DNHD1: variants seen among roughly 807,000 people sequenced by gnomAD.
DNHD1 encodes the protein dynein heavy chain domain 1.
Under a neutral mutation model 458.1 loss-of-function variants are expected in DNHD1, and 383 were observed. The observed-to-expected ratio is 0.84, with a 90% CI of 0.77 to 0.91. The LOEUF is 0.91. Among genes scored for constraint, DNHD1 ranks in the 40% least tolerant of loss-of-function variants. DNHD1 has a pLI of 0.00. For synonymous variants in DNHD1, 2,203 were observed against 2,376.9 expected, an observed-to-expected ratio of 0.93 and a Z score of 2.13; for missense variants, 5,336 against 5,866.1, an observed-to-expected ratio of 0.91 and a Z score of 2.95.
Position 6,557,459 on chromosome 11 carries a change from A to G in DNHD1, c.8164A>G (p.Asn2722Asp). 2 of 1,551,718 alleles carry G rather than the reference A, an allele frequency of 1.3e-6. No homozygotes were observed. Among genetic ancestry groups the G allele is most frequent in the Non-Finnish European group, 1.7e-6 (2 of 1,147,030 alleles). Reference protein sequence around the residue: ...GELAQWEDFSNSNSETEEEEE... With the variant: ...GELAQWEDFSDSNSETEEEEE... ...GTTGGCCCAGTGGGAGGACTTCAGC[A>G]ACAGCAATAGTGAAACAGAGGAGGA... The change falls in exon 25 of 43, where the codon AAC (asparagine) becomes GAC (aspartate). Residue 2722 changes from asparagine to aspartate, a missense_variant. Physicochemically the swap from Asn to Asp is conservative, Grantham distance 23 (BLOSUM62 1). Around this residue, in one of 4 missense-constraint regions of DNHD1, gnomAD observed 3,932 missense variants for 4,365.6 expected, o/e 0.90. Transcript: ENST00000254579.
At chr11:6,506,883 C>A (rs1852238975) in intron 4 of DNHD1, among the ~76,000 whole-genome samples, 1 of 152,128 alleles carries the variant, frequency 6.6e-6, no homozygotes, top group African/African-American at 2.4e-5. Context: ...AACAGTCTGG[C>A]ATAGAGTAGA....
intron 6 of DNHD1, among the ~76,000 whole-genome samples, chr11:6,510,188 A>G (rs1852309576): frequency 6.6e-6 from 1 of 151,960 alleles, no homozygotes; most frequent in Admixed American, 6.6e-5. Context: ...GGTTCAAGCA[A>G]TTCTCCTGCC....
rs1853525042 is a variant in DNHD1 at position 6,558,904 on chromosome 11, T to A, written c.9214T>A (p.Ser3072Thr). Residue 3072 changes from serine to threonine, a missense_variant and splice_region_variant, in exon 27 of 43, where the codon TCC (serine) becomes ACC (threonine). Transcript: ENST00000254579. ...GAQSVPLDDGSWKYPDLQASI... is the reference protein window; with the variant it reads ...GAQSVPLDDGTWKYPDLQASI... Reference sequence around the variant, plus strand: ...GGCTAAAGCCATGCCCATTGCAGGCTCCTGGAAGTACCCAGACCTCCAGGC... The same window carrying A: ...GGCTAAAGCCATGCCCATTGCAGGCACCTGGAAGTACCCAGACCTCCAGGC... The A allele has an allele frequency of 6.4e-7, 1 of 1,551,488 alleles. No homozygotes were observed. The highest frequency in any genetic ancestry group is 1.2e-5 in the South Asian group (1 of 84,058).
intron 7 of DNHD1, among the ~76,000 whole-genome samples, chr11:6,516,589 C>T (rs1852476395): frequency 1.3e-5 from 2 of 152,080 alleles, no homozygotes; most frequent in African/African-American, 2.4e-5. Flanking sequence ...TTAGCCACCT[C>T]GCCCCACCAG....
intron 24 of DNHD1, among the ~76,000 whole-genome samples, chr11:6,552,898 A>G (rs1853391075): frequency 6.6e-6 from 1 of 152,212 alleles, no homozygotes; most frequent in South Asian, 2.1e-4. Flanking sequence ...ATAGAAAATG[A>G]ACAGCCTCAT....
intron 4 of DNHD1, chr11:6,503,591 C>A (rs1852179385): frequency 6.6e-6 from 1 of 152,256 alleles, no homozygotes; most frequent in African/African-American, 2.4e-5. Flanking sequence ...TCAAGCAATC[C>A]TCTCACTTCA....
At chr11:6,564,237 T>C (rs1219608481) in intron 31 of DNHD1, 96 bp from the exon 32 acceptor site, 2 of 1,454,186 alleles carry the variant, frequency 1.4e-6, no homozygotes, top group Non-Finnish European at 1.9e-6. Flanking sequence ...CTTGCCGTAC[T>C]TTCCTCCACA....
chr11:6,546,993 C>CTCA lies in DNHD1; in HGVS notation c.6055_6057dup (p.Ser2019dup). On this transcript the variant is annotated inframe_insertion, in exon 21 of 43. Coordinates refer to ENST00000254579, the MANE Select transcript of DNHD1 (RefSeq NM_144666.3). The stretch of plus-strand genomic sequence containing the variant: ...ATCGGCTGGCAGCCATGGAGGACAC[C>CTCA]TCAACCCAAGGCTGCCAGCCTGTGG... 1 of 1,551,582 alleles carries CTCA rather than the reference C, an allele frequency of 6.4e-7. No individual in the cohort carries two copies. Among genetic ancestry groups the CTCA allele is most frequent in the Middle Eastern group, 1.7e-4 (1 of 5,992 alleles).
chr11:6,559,590 G>A (rs184513549), intron 28 of DNHD1, among the ~76,000 whole-genome samples: 3 of 152,300 alleles, frequency 2.0e-5, no homozygotes, highest in East Asian at 1.9e-4. Context: ...TCCCATGGGG[G>A]TTGGGGCAGG....
chr11:6,530,549 C>T (rs778057085), intron 12 of DNHD1, among the ~76,000 whole-genome samples: 1 of 152,230 alleles, frequency 6.6e-6, no homozygotes, highest in Non-Finnish European at 1.5e-5. Flanking sequence ...TATCTACTTC[C>T]TGTGAAGACT....
intron 7 of DNHD1, among the ~76,000 whole-genome samples, chr11:6,516,039 G>A (rs1023460432): frequency 3.4e-4 from 51 of 151,420 alleles, no homozygotes; most frequent in African/African-American, 1.1e-3. Flanking sequence ...CTCCCACCTC[G>A]CCCTCCCAAA....
At position 6,531,523 on chromosome 11, in the gene DNHD1, TAAAC is replaced by T. The variant is rs4036627; in HGVS notation, c.2348-1485_2348-1482del. ...TGCTACTGGTCCAAAAGCAGCACCA[TAAAC>T]AAACAAACAAACAAACAAGCAAACA... On this transcript the variant is annotated intron_variant, in intron 12 of 42. Transcript: ENST00000254579. Among the ~76,000 whole-genome samples the T allele has an allele frequency of 3.5e-4, 53 of 151,338 alleles. 1 individual carries two copies. In the South Asian group the frequency reaches 4.6e-3, roughly 13 times the overall value.
intron 12 of DNHD1, among the ~76,000 whole-genome samples, chr11:6,530,724 T>G (rs1852810472): frequency 6.6e-6 from 1 of 152,202 alleles, no homozygotes; most frequent in Non-Finnish European, 1.5e-5. Flanking sequence ...AGTGGGCCAC[T>G]AAAACTCCCT....
Position 6,565,757 on chromosome 11 carries a change from G to A in DNHD1, c.10819G>A (p.Glu3607Lys), listed in dbSNP as rs1210666023. ...AACGGACATGAAAGAGGAAGATGATGAGAGTGAAGAGAGTAATGAGGCTGA... is the reference window on the plus strand; with the variant it reads ...AACGGACATGAAAGAGGAAGATGATAAGAGTGAAGAGAGTAATGAGGCTGA... ...SKTDMKEEDD[E>K]SEESNEAEDQ... is the part of the protein sequence containing the mutation. The change falls in exon 33 of 43, where the codon GAG becomes AAG. Residue 3607 changes from glutamate to lysine, a missense_variant. Physicochemically the swap from Glu to Lys is moderately conservative, Grantham distance 56. Transcript: ENST00000254579. 6.4e-7 allele frequency: 1 copy of A among 1,551,430 alleles called. No homozygotes were observed. Among genetic ancestry groups the A allele is most frequent in the Admixed American group, 2.0e-5 (1 of 50,956 alleles).
At position 6,571,931 on chromosome 11, in the gene DNHD1, C is replaced by T. The variant is rs1483741426; in HGVS notation, c.14207C>T (p.Thr4736Ile). Residue 4736 changes from threonine (T) to isoleucine (I), a missense_variant, in exon 43 of 43, where the codon ACC (threonine) becomes ATC (isoleucine). Around this residue, in one of 4 missense-constraint regions of DNHD1, gnomAD observed 698 missense variants for 664.9 expected, o/e 1.05. Transcript: ENST00000254579. This position sits in a 1 kb window ranked among gnomAD's most constrained non-coding sequence, Gnocchi z 5.0. ...VMHLPLPTKLTPNTCVQRRVH... is the reference protein window; with the variant it reads ...VMHLPLPTKLIPNTCVQRRVH... ...CATCTGCCTTTACCCACCAAGCTCA[C>T]CCCCAACACCTGTGTCCAAAGGAGG... The T allele has an allele frequency of 1.2e-6, 2 of 1,613,968 alleles. No individual in the cohort carries two copies.
chr11:6,531,884 T>C (rs1852835517), intron 12 of DNHD1, among the ~76,000 whole-genome samples: 1 of 152,160 alleles, frequency 6.6e-6, no homozygotes, highest in Admixed American at 6.5e-5. Context: ...TAAACATATA[T>C]TTTTATGTTT....
intron 18 of DNHD1, among the ~76,000 whole-genome samples, chr11:6,541,423 C>T (rs1179010642): frequency 6.6e-6 from 1 of 152,190 alleles, no homozygotes; most frequent in East Asian, 1.9e-4. Context: ...TTAGTGCGCA[C>T]ACACTTTAAC....
At chr11:6,566,427 G>C in intron 34 of DNHD1, 34 bp downstream of exon 34, 2 of 1,555,580 alleles carry the variant, frequency 1.3e-6, no homozygotes, top group Non-Finnish European at 1.7e-6. Flanking sequence ...CAGCACAGTT[G>C]TGTGGACACA....
In DNHD1 at chr11:6,570,030, G is replaced by C. The variant is rs201086340; in HGVS notation, c.12885G>C (p.Gln4295His). 6.2e-7 allele frequency: 1 copy of C among 1,613,902 alleles called. No individual in the cohort carries two copies. The highest frequency in any genetic ancestry group is 8.5e-7 in the Non-Finnish European group (1 of 1,179,854). The stretch of plus-strand genomic sequence containing the variant: ...CTAGGAGTCAAGTGACTCTAACCCA[G>C]GTTCTTCAGACCCAAGACCAGCTGT... ...RGRWSQVTLTQVLQTQDQLWA... is the reference protein window; with the variant it reads ...RGRWSQVTLTHVLQTQDQLWA... The change falls in exon 40 of 43, where the codon CAG (glutamine) becomes CAC (histidine). Residue 4295 changes from glutamine to histidine, a missense_variant. Physicochemically the swap from Gln to His is conservative, Grantham distance 24. Coordinates refer to ENST00000254579, the MANE Select transcript of DNHD1 (RefSeq NM_144666.3).
Sources: allele counts gnomAD v4.1 joint callset (sites outside exome capture counted in the v4.1 genomes callset), GRCh38; gene constraint gnomAD v4.1.1; regional missense constraint gnomAD v4.1.1; non-coding constraint Gnocchi (gnomAD v3.1); transcripts MANE v1.5; gene names NCBI Gene and HGNC (gene_info 2026-07-23, HGNC 2026-07-21).